CELF2: variants seen among roughly 807,000 people sequenced by gnomAD.
CELF2 encodes the protein CUGBP Elav-like family member 2.
In CELF2, 8 loss-of-function variants were observed where a neutral mutation model predicts 62.6. The observed-to-expected ratio is 0.13, with a 90% CI of 0.07 to 0.23. The LOEUF (loss-of-function observed/expected upper bound fraction) is 0.23, where lower values mean the gene tolerates loss of function less well. Among genes scored for constraint, CELF2 ranks in the 10% least tolerant of loss-of-function variants. The pLI, the probability that CELF2 is intolerant of heterozygous loss-of-function variation, is 1.00. For synonymous variants in CELF2, 258 were observed against 250.0 expected (o/e 1.03, Z -0.30); for missense variants, 333 against 671.0 (o/e 0.50, Z 5.56).
chr10:10,501,304 G>A, the CELF2 span, among the ~76,000 whole-genome samples: 1 of 152,110 alleles, frequency 6.6e-6, no homozygotes, highest in Non-Finnish European at 1.5e-5. Context: ...TTTTCTGATA[G>A]GGTCTGTAAT....
At chr10:10,640,349 G>C in the CELF2 span, among the ~76,000 whole-genome samples, 3 of 152,126 alleles carry the variant, frequency 2.0e-5, no homozygotes, top group Non-Finnish European at 4.4e-5. Context: ...TGTTCCTGCT[G>C]TCTGGGATCC....
chr10:10,597,852 C>A, the CELF2 span, among the ~76,000 whole-genome samples: 2 of 152,182 alleles, frequency 1.3e-5, no homozygotes, highest in Non-Finnish European at 2.9e-5. Context: ...TAAATATTTT[C>A]TCTTAAATAT....
chr10:11,180,909 G>T (rs932923148), intron 2 of CELF2, among the ~76,000 whole-genome samples: 1 of 152,270 alleles, frequency 6.6e-6, no homozygotes, highest in South Asian at 2.1e-4. Context: ...TTGCTTTGTT[G>T]CCCAGGCTGG....
chr10:10,887,696 C>T (rs989004037), intron 1 of CELF2, among the ~76,000 whole-genome samples: 19 of 152,042 alleles, frequency 1.2e-4, no homozygotes, highest in African/African-American at 4.6e-4. Flanking sequence ...TGGTGGAACA[C>T]TGAAACAAAA....
chr10:10,575,406 G>C, the CELF2 span, among the ~76,000 whole-genome samples: 1 of 152,162 alleles, frequency 6.6e-6, no homozygotes, highest in East Asian at 1.9e-4. Context: ...CACAAAACTT[G>C]CTCTATGTTG....
intron 1 of CELF2, among the ~76,000 whole-genome samples, chr10:10,876,054 A>G (rs2061069571): frequency 6.6e-6 from 1 of 152,236 alleles, no homozygotes; most frequent in Non-Finnish European, 1.5e-5. Flanking sequence ...TACCTGAGCC[A>G]TCCCAAAGTG....
chr10:10,859,564 AG>A (rs2059938265), intron 1 of CELF2, among the ~76,000 whole-genome samples: 1 of 152,212 alleles, frequency 6.6e-6, no homozygotes, highest in Admixed American at 6.5e-5. Context: ...TATTTCACAT[AG>A]AAAAATGTTT....
chr10:10,478,674 G>T, the CELF2 span, among the ~76,000 whole-genome samples: 1 of 152,188 alleles, frequency 6.6e-6, no homozygotes, highest in Non-Finnish European at 1.5e-5. Context: ...CAGAATGACA[G>T]ATGAAGCTAC....
intron 1 of CELF2, among the ~76,000 whole-genome samples, chr10:10,871,575 A>G (rs1046515700): frequency 3.9e-5 from 6 of 152,114 alleles, no homozygotes; most frequent in Non-Finnish European, 7.4e-5. Context: ...CACGAGGTCT[A>G]GAGACCTAGT....
chr10:10,810,073 T>G (rs561161959), intron 1 of CELF2, among the ~76,000 whole-genome samples: 1 of 152,222 alleles, frequency 6.6e-6, no homozygotes, highest in Non-Finnish European at 1.5e-5. Context: ...GATAGAACTC[T>G]TTTAAAGGAT....
chr10:10,479,317 C>A, the CELF2 span, among the ~76,000 whole-genome samples: 1 of 152,044 alleles, frequency 6.6e-6, no homozygotes, highest in East Asian at 1.9e-4. Context: ...TACAGCCATA[C>A]ACCACCGTGC....
chr10:10,505,184 T>C, the CELF2 span, among the ~76,000 whole-genome samples: 70 of 152,342 alleles, frequency 4.6e-4, no homozygotes, highest in African/African-American at 1.6e-3. Context: ...TGGCTTTCTC[T>C]GACATGCCTA....
At chr10:10,839,557 C>T (rs558496234) in intron 1 of CELF2, among the ~76,000 whole-genome samples, 8 of 152,336 alleles carry the variant, frequency 5.3e-5, no homozygotes, top group African/African-American at 1.2e-4. Context: ...CAGCTTCTTT[C>T]GCCCTTGGCC....
chr10:11,103,677 G>C (rs1253262836), intron 1 of CELF2, among the ~76,000 whole-genome samples: 1 of 151,998 alleles, frequency 6.6e-6, no homozygotes, highest in Admixed American at 6.5e-5. Context: ...GCTCATGTTT[G>C]ATTTGTTGTT....
At chr10:10,509,024 C>A in the CELF2 span, among the ~76,000 whole-genome samples, 10 of 152,104 alleles carry the variant, frequency 6.6e-5, no homozygotes, top group African/African-American at 2.2e-4. Context: ...CATCTTGAAT[C>A]CCAAAGTGGC....
At chr10:10,650,986 G>C in the CELF2 span, among the ~76,000 whole-genome samples, 1 of 152,038 alleles carries the variant, frequency 6.6e-6, no homozygotes, top group African/African-American at 2.4e-5. Context: ...GGGAGTGCCA[G>C]ACAGTGGGCG....
Position 11,104,778 on chromosome 10 carries a change from A to G in CELF2, c.75-60708A>G, listed in dbSNP as rs75181909. Among the ~76,000 whole-genome samples, 1,386 of 152,378 alleles carry G rather than the reference A, an allele frequency of 9.1e-3. 20 individuals are homozygous for G. The highest frequency in any genetic ancestry group is 0.032 in the African/African-American group (1,328 of 41,590). ...AAAACAAGATACAATTCATTTTCTAATAATGCTCTTTGGAGTTGATAAGAA... is the reference window on the plus strand; with the variant it reads ...AAAACAAGATACAATTCATTTTCTAGTAATGCTCTTTGGAGTTGATAAGAA... On this transcript the variant is annotated intron_variant, in intron 1 of 12. Transcript: ENST00000633077.
At chr10:11,124,301 G>A (rs868118814) in intron 1 of CELF2, among the ~76,000 whole-genome samples, 6 of 152,098 alleles carry the variant, frequency 3.9e-5, no homozygotes, top group African/African-American at 1.4e-4. Context: ...ACTCAATGTA[G>A]TCGCTCTTAT....
chr10:10,805,247 T>C (rs1452701470), intron 1 of CELF2, among the ~76,000 whole-genome samples: 5 of 152,212 alleles, frequency 3.3e-5, no homozygotes, highest in Admixed American at 2.6e-4. Flanking sequence ...CAGTGTGGAC[T>C]TGGGTATTGC....
Sources: allele counts gnomAD v4.1 joint callset (sites outside exome capture counted in the v4.1 genomes callset), GRCh38; gene constraint gnomAD v4.1.1; transcripts MANE v1.5; gene names NCBI Gene and HGNC (gene_info 2026-07-23, HGNC 2026-07-21).